FUT8: variants seen among roughly 807,000 people sequenced by gnomAD.
FUT8 encodes the protein fucosyltransferase 8.
In FUT8, 29 loss-of-function variants were observed where a neutral mutation model predicts 71.3. The observed-to-expected ratio is 0.41, with a 90% CI of 0.30 to 0.55. The LOEUF is 0.55. Ranked by LOEUF, FUT8 falls within the 20% of genes least tolerant of loss-of-function variation. The probability of loss-of-function intolerance (pLI) is 0.34; values close to 1 mark genes in which losing one functional copy is unlikely to be tolerated. For missense variants in FUT8, 544 were observed against 702.1 expected (o/e 0.77, Z 2.55); for synonymous variants, 254 against 239.3 (o/e 1.06, Z -0.57).
chr14:65,678,942 A>G (rs1892901010), intron 7 of FUT8, among the ~76,000 whole-genome samples: 1 of 152,180 alleles, frequency 6.6e-6, no homozygotes, highest in African/African-American at 2.4e-5. Flanking sequence ...AAAACGTAGT[A>G]TTGAAGCACT....
At chr14:65,713,966 T>C (rs1331790223) in intron 7 of FUT8, among the ~76,000 whole-genome samples, 1 of 152,200 alleles carries the variant, frequency 6.6e-6, no homozygotes, top group African/African-American at 2.4e-5. Flanking sequence ...CTGGAGAGCT[T>C]CCCCAATGTT....
upstream of FUT8, among the ~76,000 whole-genome samples, chr14:65,406,454 A>T (rs2065089255): frequency 6.6e-6 from 1 of 152,256 alleles, no homozygotes; most frequent in Non-Finnish European, 1.5e-5. Context: ...GCAAGGAGAC[A>T]GGAAGATATG....
intron 3 of FUT8, among the ~76,000 whole-genome samples, chr14:65,580,857 C>T (rs1468811225): frequency 6.6e-6 from 1 of 152,074 alleles, no homozygotes; most frequent in Admixed American, 6.6e-5. Flanking sequence ...TCTGAATCAG[C>T]CCCTAGACAC....
At chr14:65,554,102 A>G (rs746849671) in intron 2 of FUT8, among the ~76,000 whole-genome samples, 39 of 151,956 alleles carry the variant, frequency 2.6e-4, no homozygotes, top group Non-Finnish European at 4.9e-4. Flanking sequence ...AAAAATTTCA[A>G]TCTGTTTCTT....
intron 2 of FUT8, among the ~76,000 whole-genome samples, chr14:65,549,189 A>G (rs1885144994): frequency 6.6e-6 from 1 of 152,082 alleles, no homozygotes; most frequent in Non-Finnish European, 1.5e-5. Flanking sequence ...GTAAACATAC[A>G]TTTTTCATGT....
chr14:65,690,655 T>C (rs10131715), intron 7 of FUT8, among the ~76,000 whole-genome samples: 91,947 of 151,486 alleles, frequency 0.61, 28,247 homozygotes, highest in East Asian at 0.75. Context: ...CTCTCATTCT[T>C]GTGCTAATGT....
chr14:65,559,375 T>G (rs979159195), intron 2 of FUT8, among the ~76,000 whole-genome samples: 6 of 152,170 alleles, frequency 3.9e-5, no homozygotes, highest in Non-Finnish European at 8.8e-5. Context: ...ACATAGCATT[T>G]ACGTTGTATT....
chr14:65,370,195 CAT>C, the FUT8 span, among the ~76,000 whole-genome samples: 3 of 142,422 alleles, frequency 2.1e-5, no homozygotes, highest in African/African-American at 7.7e-5. Context: ...TTAGAGCACA[CAT>C]AGTCTTTTTT....
intron 7 of FUT8, among the ~76,000 whole-genome samples, chr14:65,697,333 CT>C (rs1044667310): frequency 5.3e-5 from 8 of 152,098 alleles, no homozygotes; most frequent in Non-Finnish European, 7.4e-5. Flanking sequence ...GCTGCAATTT[CT>C]CCTTATTGTT....
chr14:65,574,993 A>G lies in FUT8; in HGVS notation c.203+13227A>G, dbSNP rs559849129. Among the ~76,000 whole-genome samples the G allele has an allele frequency of 6.6e-5, 10 of 152,164 alleles. No individual in the cohort carries two copies. Among genetic ancestry groups the G allele is most frequent in the Non-Finnish European group, 1.5e-4 (10 of 68,022 alleles). ...ATGATGGCTTTGGTTACTGGATTCC[A>G]AAGGCCAGTATTCTTTTCTATGAAA... is the stretch of plus-strand genomic sequence containing the variant. On this transcript the variant is annotated intron_variant, in intron 3 of 10. Transcript: ENST00000673929. This position sits in a 1 kb window ranked among gnomAD's most constrained non-coding sequence, Gnocchi z 5.2.
intron 1 of FUT8, among the ~76,000 whole-genome samples, chr14:65,418,336 G>T (rs983833336): frequency 1.9e-4 from 29 of 152,096 alleles, no homozygotes. Context: ...TTTTATCAAT[G>T]TTGTGACTGA....
chr14:65,727,708 C>T (rs1052166990), intron 9 of FUT8, among the ~76,000 whole-genome samples: 5 of 152,176 alleles, frequency 3.3e-5, no homozygotes, highest in Non-Finnish European at 7.3e-5. Context: ...CTCCTCATGA[C>T]TTACACAAGT....
intron 5 of FUT8, among the ~76,000 whole-genome samples, chr14:65,628,642 C>A (rs1466909584): frequency 2.0e-5 from 3 of 152,106 alleles, no homozygotes; most frequent in Non-Finnish European, 4.4e-5. Context: ...TTATTTAATG[C>A]AATATAAATA....
At chr14:65,445,049 C>A (rs374542369) in intron 1 of FUT8, among the ~76,000 whole-genome samples, 114 of 151,842 alleles carry the variant, frequency 7.5e-4, no homozygotes, top group South Asian at 7.3e-3. Context: ...ACTAAAAATA[C>A]AAAAAAAATT....
chr14:65,412,618 G>T, upstream of FUT8: 1 of 299,062 alleles, frequency 3.3e-6, no homozygotes, highest in Non-Finnish European at 6.5e-6. Context: ...GGCGCAGCGA[G>T]GAAGGGGGCG....
intron 7 of FUT8, among the ~76,000 whole-genome samples, chr14:65,694,964 A>G (rs1472797616): frequency 6.6e-6 from 1 of 151,978 alleles, no homozygotes; most frequent in East Asian, 1.9e-4. Context: ...TAATGGGTGC[A>G]GCACACCAGC....
intron 7 of FUT8, among the ~76,000 whole-genome samples, chr14:65,713,662 T>A (rs1048078656): frequency 6.6e-6 from 1 of 152,202 alleles, no homozygotes; most frequent in African/African-American, 2.4e-5. Flanking sequence ...TATACCTGTT[T>A]CCCATTTGTA....
At chr14:65,495,260 T>TA (rs891142183) in intron 2 of FUT8, among the ~76,000 whole-genome samples, 3 of 151,736 alleles carry the variant, frequency 2.0e-5, no homozygotes, top group African/African-American at 4.8e-5. Context: ...CTATGAAAGT[T>TA]AAAAAAAGTC....
chr14:65,681,867 G>A (rs1051663022), intron 7 of FUT8, among the ~76,000 whole-genome samples: 7 of 152,100 alleles, frequency 4.6e-5, no homozygotes, highest in African/African-American at 1.4e-4. Flanking sequence ...TAGTACAGCC[G>A]CTGATACAGA....
Sources: allele counts gnomAD v4.1 joint callset (sites outside exome capture counted in the v4.1 genomes callset), GRCh38; gene constraint gnomAD v4.1.1; non-coding constraint Gnocchi (gnomAD v3.1); transcripts MANE v1.5; gene names NCBI Gene and HGNC (gene_info 2026-07-23, HGNC 2026-07-21).